Variants in EIF1B observed in about 807,000 individuals in gnomAD.
EIF1B encodes the protein eukaryotic translation initiation factor 1B.
In EIF1B, 5 loss-of-function variants were observed where a neutral mutation model predicts 14.8. The observed-to-expected ratio is 0.34, with a 90% CI of 0.18 to 0.71. EIF1B has a LOEUF of 0.71. Ranked by LOEUF, EIF1B falls within the 30% of genes least tolerant of loss-of-function variation. EIF1B has a pLI of 0.64. For synonymous variants in EIF1B, 45 were observed against 45.8 expected, an observed-to-expected ratio of 0.98 and a Z score of 0.07; for missense variants, 56 against 134.0, an observed-to-expected ratio of 0.42 and a Z score of 2.87.
rs1954334866 is a variant in EIF1B at position 40,312,306 on chromosome 3, TTG to T, written c.*294_*295del. 2 of 291,004 alleles carry T rather than the reference TTG, an allele frequency of 6.9e-6. No homozygotes were observed. The highest frequency in any genetic ancestry group is 7.9e-5 in the East Asian group (1 of 12,610). The allele number at this position is 291,004 out of a possible 1,614,324, so 18.0% of individuals were successfully genotyped here. A position where few individuals can be genotyped will look rare whatever the true frequency, so the allele number is the denominator to read the frequency against. On this transcript the variant is annotated 3_prime_UTR_variant, in exon 4 of 4. Transcript: ENST00000232905. ...TTACGTTTCACTTGATTAAATTTTT[TTG>T]TTGTTGTATTAAACCATGTACGTTG...
intron 2 of EIF1B, 117 bp downstream of exon 2, chr3:40,311,173 A>C: frequency 4.2e-6 from 4 of 960,896 alleles, no homozygotes; most frequent in Non-Finnish European, 6.0e-6. Context: ...AGTTGTTCTC[A>C]TTTTTGTAAT....
chr3:40,310,838 T>C lies in EIF1B; in HGVS notation c.32-55T>C, dbSNP rs117372497. 6.5e-4 allele frequency: 967 copies of C among 1,492,508 alleles called. 20 individuals carry two copies. In the East Asian group the frequency reaches 0.02, roughly 31 times the overall value. 92.5% of individuals were successfully genotyped at this position (1,492,508 alleles called of 1,614,324 possible). A position where few individuals can be genotyped will look rare whatever the true frequency, so the allele number is the denominator to read the frequency against. ...GTATAATGTATTTCTGGAAAGTACT[T>C]CTTAAAAAATATTTTTCTACTTTGG... On this transcript the variant is annotated intron_variant, in intron 1 of 3. Coordinates refer to ENST00000232905, the MANE Select transcript of EIF1B (RefSeq NM_005875.3).
Position 40,310,878 on chromosome 3 carries a change from T to G in EIF1B, c.32-15T>G, listed in dbSNP as rs1258176782. 1 of 1,556,104 alleles carries G rather than the reference T, an allele frequency of 6.4e-7. No individual in the cohort carries two copies. Among genetic ancestry groups the G allele is most frequent in the East Asian group, 2.3e-5 (1 of 44,262 alleles). On this transcript the variant is annotated splice_polypyrimidine_tract_variant and intron_variant, in intron 1 of 3. Transcript: ENST00000232905. ...TTCTACTTTGGATTTTTTTTTTTTT[T>G]TTATCCATTCGCAGACCCCTTTGCT...
chr3:40,311,558 A>G lies in EIF1B; in HGVS notation c.284A>G (p.Gln95Arg). ...GGTGACCAAAGAAAAAACATCTGCC[A>G]GTTTCTCTTGGAGGTGAGTGATTGG... ...LQGDQRKNIC[Q>R]FLLEVGIVKE... is the part of the protein sequence containing the mutation. The change falls in exon 3 of 4, where the codon CAG becomes CGG. Residue 95 changes from glutamine to arginine, a missense_variant. By Grantham distance (43) the Gln-to-Arg change is conservative (BLOSUM62 1). Coordinates refer to ENST00000232905, the MANE Select transcript of EIF1B (RefSeq NM_005875.3). 1 of 1,613,560 alleles carries G rather than the reference A, an allele frequency of 6.2e-7. No individual in the cohort carries two copies. Among genetic ancestry groups the G allele is most frequent in the Non-Finnish European group, 8.5e-7 (1 of 1,179,668 alleles).
rs142067173 is a variant in EIF1B, at chr3:40,310,771, C to G, written c.32-122C>G. ...TCTCCATTCCTACCGGCAAAAACAG[C>G]AAAGGCACTAGAACCTTCATTGATG... On this transcript the variant is annotated intron_variant, in intron 1 of 3. Coordinates refer to ENST00000232905, the MANE Select transcript of EIF1B (RefSeq NM_005875.3). 1.2e-3 allele frequency: 1,295 copies of G among 1,090,934 alleles called. 2 individuals carry two copies. The highest frequency in any genetic ancestry group is 1.5e-3 in the Non-Finnish European group (1,167 of 791,234). 67.6% of individuals were successfully genotyped at this position (1,090,934 alleles called of 1,614,324 possible).
Position 40,311,505 on chromosome 3 carries a change from T to C in EIF1B, c.231T>C (p.Pro77=). ...GTAATGGTACTGTGATTGAACATCC[T>C]GAATACGGAGAGGTTATTCAGCTTC... ...FACNGTVIEH[P]EYGEVIQLQG... The change falls in exon 3 of 4, where the codon CCT becomes CCC. Residue 77 remains proline, a synonymous_variant. Coordinates refer to ENST00000232905, the MANE Select transcript of EIF1B (RefSeq NM_005875.3). 6.2e-7 allele frequency: 1 copy of C among 1,613,930 alleles called. No individual in the cohort carries two copies. Among genetic ancestry groups the C allele is most frequent in the East Asian group, 2.2e-5 (1 of 44,856 alleles).
rs890420085 is a variant in EIF1B, at chr3:40,310,733, T to C, written c.32-160T>C. The C allele has an allele frequency of 7.9e-6, 5 of 630,966 alleles. No individual in the cohort carries two copies. The African/African-American group carries it at 9.3e-5, about 12-fold the overall frequency. The allele number at this position is 630,966 out of a possible 1,614,324, so 39.1% of individuals were successfully genotyped here. On this transcript the variant is annotated intron_variant, in intron 1 of 3. Transcript: ENST00000232905. ...GAGAGTATCTTGGGGGTTTTATTAA[T>C]ACTCCACCCCCATCTCCATTCCTAC... is the stretch of plus-strand genomic sequence containing the variant.
chr3:40,312,175 T>A lies in EIF1B; in HGVS notation c.*161T>A. On this transcript the variant is annotated 3_prime_UTR_variant, in exon 4 of 4. Transcript: ENST00000232905. ...ATGATTACAGAAAACATGGGGTATG[T>A]AGACTAGTAACACATAAGAAAATTG... 1.6e-6 allele frequency: 1 copy of A among 609,820 alleles called. No individual in the cohort carries two copies. The highest frequency in any genetic ancestry group is 2.9e-6 in the Non-Finnish European group (1 of 344,044). The allele number at this position is 609,820 out of a possible 1,614,324, so 37.8% of individuals were successfully genotyped here. A position where few individuals can be genotyped will look rare whatever the true frequency, so the allele number is the denominator to read the frequency against.
In EIF1B at chr3:40,310,772, A is replaced by G. The variant is rs1381240614; in HGVS notation, c.32-121A>G. Reference sequence around the variant, plus strand: ...CTCCATTCCTACCGGCAAAAACAGCAAAGGCACTAGAACCTTCATTGATGA... The same window carrying G: ...CTCCATTCCTACCGGCAAAAACAGCGAAGGCACTAGAACCTTCATTGATGA... On this transcript the variant is annotated intron_variant, in intron 1 of 3. Coordinates refer to ENST00000232905, the MANE Select transcript of EIF1B (RefSeq NM_005875.3). 4 of 1,103,584 alleles carry G rather than the reference A, an allele frequency of 3.6e-6. No individual in the cohort carries two copies. The East Asian group carries it at 8.1e-5, about 22-fold the overall frequency. The allele number at this position is 1,103,584 out of a possible 1,614,324, so 68.4% of individuals were successfully genotyped here.
chr3:40,311,243 C>A, intron 2 of EIF1B, 187 bp downstream of exon 2: 2 of 619,936 alleles, frequency 3.2e-6, no homozygotes, highest in Non-Finnish European at 5.3e-6. Flanking sequence ...AGAAGATTCG[C>A]GTTGCTTTTA....
intron 1 of EIF1B, chr3:40,310,642 A>G (rs1210101277): frequency 6.1e-6 from 2 of 328,974 alleles, no homozygotes; most frequent in African/African-American, 4.3e-5. Flanking sequence ...TTGAACGATA[A>G]CATTATTTAT....
At chr3:40,311,865 C>G (rs1954330216) in intron 3 of EIF1B, 105 bp from the exon 4 acceptor site, 1 of 881,020 alleles carries the variant, frequency 1.1e-6, no homozygotes, top group Admixed American at 1.9e-5. Flanking sequence ...AACAGTGTTG[C>G]AGTAAGCTGT....
chr3:40,310,608 T>C (rs1417085526), intron 1 of EIF1B: 5 of 263,916 alleles, frequency 1.9e-5, no homozygotes, highest in Non-Finnish European at 2.8e-5. Context: ...GTTTTCTAAA[T>C]CTTTTTCTCA....
At chr3:40,311,856 A>G (rs1954330173) in intron 3 of EIF1B, 114 bp from the exon 4 acceptor site, 1 of 842,836 alleles carries the variant, frequency 1.2e-6, no homozygotes, top group Non-Finnish European at 2.0e-6. Flanking sequence ...GCCACAGACA[A>G]CAGTGTTGCA....
At position 40,312,330 on chromosome 3, in the gene EIF1B, G is replaced by T; in HGVS notation, c.*316G>T. On this transcript the variant is annotated 3_prime_UTR_variant, in exon 4 of 4. Coordinates refer to ENST00000232905, the MANE Select transcript of EIF1B (RefSeq NM_005875.3). ...TTTGTTGTTGTATTAAACCATGTAC[G>T]TTGCAGCTTAACAATAAAAAAAAAT... 1 of 207,710 alleles carries T rather than the reference G, an allele frequency of 4.8e-6. No homozygotes were observed. The highest frequency in any genetic ancestry group is 9.1e-6 in the Non-Finnish European group (1 of 109,990). 12.9% of individuals were successfully genotyped at this position (207,710 alleles called of 1,614,324 possible).
intron 1 of EIF1B, among the ~76,000 whole-genome samples, 163 bp downstream of exon 1, chr3:40,310,135 C>T (rs1415006759): frequency 6.6e-6 from 1 of 152,182 alleles, no homozygotes; most frequent in African/African-American, 2.4e-5. Context: ...CTGGCGACCC[C>T]TTCCCCGAGG....
intron 2 of EIF1B, 75 bp downstream of exon 2, chr3:40,311,131 A>T: frequency 7.1e-7 from 1 of 1,399,506 alleles, no homozygotes; most frequent in Non-Finnish European, 9.7e-7. Flanking sequence ...ACACCTTTAT[A>T]TCGGCGTGGA....
chr3:40,311,613 T>C (rs764471277), intron 3 of EIF1B, 42 bp downstream of exon 3: 1 of 1,476,006 alleles, frequency 6.8e-7, no homozygotes, highest in Admixed American at 1.8e-5. Flanking sequence ...GAGATTGCTT[T>C]TAAAATTGTA....
intron 3 of EIF1B, 154 bp from the exon 4 acceptor site, chr3:40,311,816 G>A (rs1469069785): frequency 1.6e-5 from 11 of 702,076 alleles, no homozygotes; most frequent in East Asian, 1.1e-4. Context: ...ATTCAAATAC[G>A]TGTTGAATTG....
Sources: gnomAD v4.1 joint callset for allele counts (sites outside exome capture counted in the v4.1 genomes callset) on GRCh38, gnomAD v4.1.1 for gene constraint, MANE v1.5 for transcripts, NCBI Gene and HGNC (gene_info 2026-07-23, HGNC 2026-07-21) for gene names.